Variants in ASAH2 observed in about 807,000 individuals in gnomAD.
ASAH2 encodes the protein N-acylsphingosine amidohydrolase 2.
ASAH2 carries 58 observed loss-of-function variants against 82.9 expected under a neutral mutation model. The ratio of observed to expected loss-of-function variants is 0.70; its 90% CI spans 0.57 to 0.87. The LOEUF (loss-of-function observed/expected upper bound fraction) is 0.87. Ranked by LOEUF, ASAH2 falls within the 40% of genes least tolerant of loss-of-function variation. The probability of loss-of-function intolerance (pLI) is 0.00; values close to 1 mark genes in which losing one functional copy is unlikely to be tolerated. For synonymous variants in ASAH2, 276 were observed against 289.7 expected (o/e 0.95, Z 0.48); for missense variants, 779 against 834.0 (o/e 0.93, Z 0.81).
intron 7 of ASAH2, among the ~76,000 whole-genome samples, chr10:50,219,201 C>G (rs915686878): frequency 1.3e-5 from 2 of 152,222 alleles, no homozygotes; most frequent in Admixed American, 1.3e-4. Flanking sequence ...GGTAAATGCA[C>G]AGAGGTGTAA....
intron 7 of ASAH2, among the ~76,000 whole-genome samples, chr10:50,225,924 C>A (rs1366482259): frequency 1.3e-5 from 2 of 151,982 alleles, no homozygotes; most frequent in African/African-American, 4.8e-5. Flanking sequence ...AACCCCGTCT[C>A]TACTAAAAAA....
At chr10:50,245,606 A>G (rs1382233645) in intron 2 of ASAH2, 152 bp from the exon 3 acceptor site, 2 of 720,370 alleles carry the variant, frequency 2.8e-6, no homozygotes, top group Non-Finnish European at 4.4e-6. Context: ...CAGCTCAAGA[A>G]CCTGTTTAAA....
At chr10:50,209,037 G>T (rs1209447213) in intron 12 of ASAH2, among the ~76,000 whole-genome samples, 2 of 152,062 alleles carry the variant, frequency 1.3e-5, no homozygotes, top group Non-Finnish European at 1.5e-5. Flanking sequence ...TATAGAATGG[G>T]TAAATAATAA....
At chr10:50,195,396 GTGTTGATA>G in intron 18 of ASAH2, among the ~76,000 whole-genome samples, 1 of 150,218 alleles carries the variant, frequency 6.7e-6, no homozygotes, top group South Asian at 2.1e-4. Context: ...CAAAAGACAA[GTGTTGATA>G]AGAATGTAGA....
chr10:50,203,668 C>T lies in ASAH2; in HGVS notation c.1637G>A (p.Gly546Glu). The T allele has an allele frequency of 6.2e-7, 1 of 1,612,520 alleles. No individual in the cohort carries two copies. The highest frequency in any genetic ancestry group is 8.5e-7 in the Non-Finnish European group (1 of 1,178,846). ...TTGAACTGCCTCTCGAAGTCTTCGT[C>T]CAGACATGGTCCTGAGTCAAGAAAA... Reference protein sequence around the residue: ...AIPGEFTTMSGRRLREAVQAE... With the variant: ...AIPGEFTTMSERRLREAVQAE... Residue 546 changes from glycine to glutamate, a missense_variant, in exon 15 of 21, where the codon GGA (glycine) becomes GAA (glutamate). Physicochemically the swap from Gly to Glu is moderately conservative, Grantham distance 98. Around this residue, in one of 3 missense-constraint regions of ASAH2, gnomAD observed 759 missense variants for 755.2 expected, o/e 1.00. Transcript: ENST00000682911.
chr10:50,228,874 T>A (rs1333041120), intron 7 of ASAH2, among the ~76,000 whole-genome samples: 1 of 151,912 alleles, frequency 6.6e-6, no homozygotes, highest in African/African-American at 2.4e-5. Context: ...GGAGTCCATG[T>A]GACTGCTGCA....
intron 8 of ASAH2, among the ~76,000 whole-genome samples, chr10:50,217,012 C>A (rs1360087532): frequency 6.6e-6 from 1 of 152,120 alleles, no homozygotes; most frequent in Non-Finnish European, 1.5e-5. Context: ...TGTGGCATTG[C>A]TGAGAGCTGT....
At chr10:50,249,329 G>T (rs775104790) in intron 1 of ASAH2, among the ~76,000 whole-genome samples, 2 of 152,146 alleles carry the variant, frequency 1.3e-5, no homozygotes, top group Non-Finnish European at 2.9e-5. Flanking sequence ...AATTTAAAAT[G>T]TTCCTATGTT....
At chr10:50,250,351 T>C (rs1408682661) in intron 1 of ASAH2, among the ~76,000 whole-genome samples, 2 of 152,176 alleles carry the variant, frequency 1.3e-5, no homozygotes, top group Non-Finnish European at 2.9e-5. Context: ...CTGGAACATC[T>C]TCCCAAATTT....
In ASAH2 at chr10:50,234,527, A is replaced by G; in HGVS notation, c.713T>C (p.Met238Thr). ...ATTGATGAAGATTTTGCCTGGTTTC[A>G]TATTTGTGTGTGCTATGTCAATGCT... Reference protein sequence around the residue: ...LKSIDIAHTNMKPGKIFINKG... With the variant: ...LKSIDIAHTNTKPGKIFINKG... Residue 238 changes from methionine to threonine, a missense_variant, in exon 6 of 21, where the codon ATG becomes ACG. Physicochemically the swap from Met to Thr is moderately conservative, Grantham distance 81. Around this residue, in one of 3 missense-constraint regions of ASAH2, gnomAD observed 759 missense variants for 755.2 expected, o/e 1.00. Transcript: ENST00000682911. 2.5e-6 allele frequency: 4 copies of G among 1,612,936 alleles called. No individual in the cohort carries two copies. The highest frequency in any genetic ancestry group is 3.4e-6 in the Non-Finnish European group (4 of 1,179,204).
intron 18 of ASAH2, among the ~76,000 whole-genome samples, chr10:50,195,820 C>T (rs1458261368): frequency 5.8e-4 from 88 of 151,758 alleles, no homozygotes; most frequent in African/African-American, 2.1e-3. Flanking sequence ...CATGATCTCA[C>T]TTATATATAG....
At chr10:50,248,314 T>C (rs2813304) in intron 2 of ASAH2, among the ~76,000 whole-genome samples, 170 bp downstream of exon 2, 150,301 of 152,344 alleles carry the variant, frequency 0.99, 74,169 homozygotes, top group East Asian at 1. Flanking sequence ...TTGATAAAAA[T>C]TGCTATCAAT....
chr10:50,250,092 G>A (rs986600002), intron 1 of ASAH2, among the ~76,000 whole-genome samples: 10 of 152,218 alleles, frequency 6.6e-5, no homozygotes, highest in South Asian at 4.1e-4. Context: ...AAAATAATTC[G>A]TAAAATATGA....
At chr10:50,247,923 C>A (rs930323209) in intron 2 of ASAH2, among the ~76,000 whole-genome samples, 3 of 152,204 alleles carry the variant, frequency 2.0e-5, no homozygotes, top group Non-Finnish European at 4.4e-5. Flanking sequence ...GTTCTCTCTA[C>A]AACAAACAGC....
chr10:50,203,111 T>G (rs1364030749), intron 15 of ASAH2, among the ~76,000 whole-genome samples, 187 bp from the exon 16 acceptor site: 1 of 152,074 alleles, frequency 6.6e-6, no homozygotes, highest in Non-Finnish European at 1.5e-5. Flanking sequence ...ATGATCACAG[T>G]TGCAGATGTA....
rs989885482 is a variant in ASAH2, at chr10:50,204,869, C to T, written c.1617G>A (p.Gly539=). Residue 539 remains glycine, a synonymous_variant, in exon 14 of 21, where the codon GGG becomes GGA. Coordinates refer to ENST00000682911, the MANE Select transcript of ASAH2 (RefSeq NM_019893.4). The stretch of plus-strand genomic sequence containing the variant: ...TAAAAAGAAAAACTTACGTAAACTC[C>T]CCGGGGATGGCAGTTATGGCCAAGG... The part of the protein sequence containing the change: ...LGSLAITAIP[G]EFTTMSGRRL... 9.3e-5 allele frequency: 149 copies of T among 1,608,176 alleles called. No homozygotes were observed. The highest frequency in any genetic ancestry group is 3.3e-4 in the Middle Eastern group (2 of 6,054).
In ASAH2 at chr10:50,214,869, C is replaced by T; in HGVS notation, c.1015-1G>A. The T allele has an allele frequency of 2.5e-6, 4 of 1,613,282 alleles. No individual in the cohort carries two copies. Among genetic ancestry groups the T allele is most frequent in the Non-Finnish European group, 3.4e-6 (4 of 1,179,538 alleles). ...AAGCAAAGGCTGCTACAAATGGCCC[C>T]TGCCAAAAGAAATGCCAAGTTGCCT... On this transcript the variant is annotated splice_acceptor_variant, in intron 8 of 20. Coordinates refer to ENST00000682911, the MANE Select transcript of ASAH2 (RefSeq NM_019893.4). LOFTEE classifies it high-confidence loss of function.
intron 13 of ASAH2, among the ~76,000 whole-genome samples, chr10:50,205,298 A>G (rs887215069): frequency 2.0e-5 from 3 of 152,042 alleles, no homozygotes; most frequent in African/African-American, 7.2e-5. Flanking sequence ...TCTTTTTATT[A>G]TAATCGCACT....
chr10:50,214,856 C>T lies in ASAH2; in HGVS notation c.1027G>A (p.Ala343Thr). 5.6e-6 allele frequency: 9 copies of T among 1,613,588 alleles called. No homozygotes were observed. The highest frequency in any genetic ancestry group is 7.6e-6 in the Non-Finnish European group (9 of 1,179,630). ...CCTAGGTTTGATGAAGCAAAGGCTG[C>T]TACAAATGGCCCCTGCCAAAAGAAA... ...GYLPGQGPFVAAFASSNLGDV... is the reference protein window; with the variant it reads ...GYLPGQGPFVTAFASSNLGDV... The change falls in exon 9 of 21, where the codon GCA becomes ACA. Residue 343 changes from alanine (A) to threonine (T), a missense_variant. Transcript: ENST00000682911.
Sources: gnomAD v4.1 joint callset for allele counts (sites outside exome capture counted in the v4.1 genomes callset) on GRCh38, gnomAD v4.1.1 for gene constraint, gnomAD v4.1.1 regional missense constraint, MANE v1.5 for transcripts, NCBI Gene and HGNC (gene_info 2026-07-23, HGNC 2026-07-21) for gene names.